The following SORCS1 variants were observed in gnomAD, a reference collection of about 807,000 sequenced individuals.
SORCS1 encodes sortilin related VPS10 domain containing receptor 1, also known as VPS10 domain-containing receptor SorCS1.
A neutral mutation model predicts 146.1 loss-of-function variants in SORCS1; 60 were observed. The observed-to-expected ratio is 0.41, with a 90% CI of 0.33 to 0.51. SORCS1 has a LOEUF of 0.51. Ranked by LOEUF, SORCS1 falls within the 20% of genes least tolerant of loss-of-function variation. The pLI is 0.21. For missense variants in SORCS1, 1,352 were observed against 1,487.6 expected (o/e 0.91, Z 1.50); for synonymous variants, 637 against 584.0 (o/e 1.09, Z -1.31).
chr10:107,073,872 CT>C lies in SORCS1; in HGVS notation c.558+90096del, dbSNP rs57299410. 2.4e-3 allele frequency among the ~76,000 whole-genome samples: 359 copies of C among 147,882 alleles called. 1 individual carries two copies. Among genetic ancestry groups the C allele is most frequent in the African/African-American group, 7.6e-3 (305 of 40,312 alleles). ...AAATAACATTTCACCTGGGCTTGGA[CT>C]TTTTTTTTTTAACATAGAATTTATT... On this transcript the variant is annotated intron_variant, in intron 1 of 25. Coordinates refer to ENST00000263054, the MANE Select transcript of SORCS1 (RefSeq NM_052918.5).
chr10:106,882,679 A>G (rs1950850577), intron 2 of SORCS1, among the ~76,000 whole-genome samples: 1 of 152,166 alleles, frequency 6.6e-6, no homozygotes, highest in East Asian at 1.9e-4. Context: ...ACACACACAC[A>G]TACACACACA....
intron 17 of SORCS1, among the ~76,000 whole-genome samples, chr10:106,656,130 C>T (rs1325541760): frequency 6.6e-6 from 1 of 152,222 alleles, no homozygotes; most frequent in Non-Finnish European, 1.5e-5. Context: ...TAGGATCTTA[C>T]TACTCCAACA....
intron 1 of SORCS1, among the ~76,000 whole-genome samples, chr10:106,997,968 A>G (rs1957069457): frequency 6.6e-6 from 1 of 152,200 alleles, no homozygotes; most frequent in South Asian, 2.1e-4. Flanking sequence ...TATTCTGGTT[A>G]CTTCCCAGAT....
At chr10:106,629,575 T>G (rs1298967155) in intron 18 of SORCS1, among the ~76,000 whole-genome samples, 187 bp from the exon 19 acceptor site, 1 of 152,222 alleles carries the variant, frequency 6.6e-6, no homozygotes, top group East Asian at 1.9e-4. Context: ...AGGCAAGAGT[T>G]TGCTACGATG....
intron 21 of SORCS1, among the ~76,000 whole-genome samples, chr10:106,617,541 T>C (rs1847456631): frequency 6.6e-6 from 1 of 152,180 alleles, no homozygotes; most frequent in Non-Finnish European, 1.5e-5. Context: ...AATGACTCCA[T>C]CTTTTCATTT....
intron 1 of SORCS1, among the ~76,000 whole-genome samples, chr10:107,036,622 G>A (rs1300462991): frequency 2.0e-5 from 3 of 152,152 alleles, no homozygotes; most frequent in Non-Finnish European, 2.9e-5. Context: ...ATCTCCCTGA[G>A]CTGGTTCCAT....
At chr10:107,092,983 G>T (rs1244591970) in intron 1 of SORCS1, among the ~76,000 whole-genome samples, 1 of 150,678 alleles carries the variant, frequency 6.6e-6, no homozygotes, top group Non-Finnish European at 1.5e-5. Context: ...GCCAGGTAAT[G>T]ATTTAAGTTT....
intron 6 of SORCS1, among the ~76,000 whole-genome samples, chr10:106,728,597 G>A (rs1564904761): frequency 2.0e-5 from 3 of 152,214 alleles, no homozygotes; most frequent in Non-Finnish European, 4.4e-5. Context: ...CTTTAGAGAT[G>A]AGAAATCTCA....
chr10:107,153,306 A>C (rs910594876), intron 1 of SORCS1, among the ~76,000 whole-genome samples: 1 of 152,094 alleles, frequency 6.6e-6, no homozygotes, highest in East Asian at 1.9e-4. Flanking sequence ...AATGTTGTAC[A>C]TTGGTGCTTA....
intron 1 of SORCS1, among the ~76,000 whole-genome samples, chr10:107,006,680 G>T (rs2139682621): frequency 6.6e-6 from 1 of 152,310 alleles, no homozygotes; most frequent in South Asian, 2.1e-4. Flanking sequence ...AGCCGGATGT[G>T]GTGGCGGGCG....
At chr10:106,973,167 T>A (rs2139240139) in intron 1 of SORCS1, among the ~76,000 whole-genome samples, 1 of 152,278 alleles carries the variant, frequency 6.6e-6, no homozygotes, top group South Asian at 2.1e-4. Flanking sequence ...ATCTGTCTTC[T>A]CCTCTGCTCA....
intron 2 of SORCS1, among the ~76,000 whole-genome samples, chr10:106,863,575 GA>G (rs1244920026): frequency 6.7e-6 from 1 of 148,576 alleles, no homozygotes; most frequent in Non-Finnish European, 1.5e-5. Flanking sequence ...CATCCCTCAT[GA>G]AATAGAGATG....
intron 6 of SORCS1, among the ~76,000 whole-genome samples, chr10:106,724,364 G>A (rs1430411059): frequency 6.6e-6 from 1 of 151,930 alleles, no homozygotes; most frequent in African/African-American, 2.4e-5. Flanking sequence ...AAAATTAGCT[G>A]GGCGTGGTGG....
chr10:106,882,077 C>T (rs1456711334), intron 2 of SORCS1, among the ~76,000 whole-genome samples: 4 of 152,148 alleles, frequency 2.6e-5, no homozygotes, highest in Non-Finnish European at 4.4e-5. Context: ...TTGTCATTCC[C>T]AGCTTCACCC....
intron 1 of SORCS1, among the ~76,000 whole-genome samples, chr10:107,028,847 G>T (rs1173819453): frequency 6.6e-6 from 1 of 152,140 alleles, no homozygotes; most frequent in East Asian, 1.9e-4. Context: ...TCTAAATCAA[G>T]GAAGAAGGAA....
intron 3 of SORCS1, among the ~76,000 whole-genome samples, chr10:106,777,313 T>C (rs905883761): frequency 1.3e-5 from 2 of 152,246 alleles, no homozygotes; most frequent in Non-Finnish European, 2.9e-5. Flanking sequence ...ATTTTGTTTC[T>C]TGTCTATATA....
chr10:107,128,592 G>A (rs1287357856), intron 1 of SORCS1, among the ~76,000 whole-genome samples: 1 of 152,194 alleles, frequency 6.6e-6, no homozygotes, highest in East Asian at 1.9e-4. Flanking sequence ...CCCATGGAAT[G>A]TGCTTAGCAA....
At chr10:106,915,947 G>T (rs1265939292) in intron 2 of SORCS1, among the ~76,000 whole-genome samples, 6 of 152,138 alleles carry the variant, frequency 3.9e-5, no homozygotes, top group African/African-American at 1.2e-4. Context: ...TAAGAAAGGT[G>T]CAGGAAAAGA....
intron 4 of SORCS1, among the ~76,000 whole-genome samples, chr10:106,768,081 C>T (rs746712445): frequency 6.6e-5 from 10 of 151,988 alleles, no homozygotes; most frequent in African/African-American, 2.2e-4. Flanking sequence ...CTAAGGTGAA[C>T]GTAGTAGGCC....
Sources: allele counts gnomAD v4.1 joint callset (sites outside exome capture counted in the v4.1 genomes callset), GRCh38; gene constraint gnomAD v4.1.1; transcripts MANE v1.5; gene names NCBI Gene and HGNC (gene_info 2026-07-23, HGNC 2026-07-21).